Variants in ST3GAL4 observed in about 807,000 individuals in gnomAD.
ST3GAL4 encodes CMP-N-acetylneuraminate-beta-galactosamide-alpha-2,3-sialyltransferase 4.
A neutral mutation model predicts 42.6 loss-of-function variants in ST3GAL4; 24 were observed. The observed-to-expected ratio is 0.56, with a 90% confidence interval of 0.41 to 0.79. The LOEUF (loss-of-function observed/expected upper bound fraction) is 0.79. ST3GAL4 is among the 30% of genes least tolerant of loss of function. The probability of loss-of-function intolerance (pLI) is 0.00; values close to 1 mark genes in which losing one functional copy is unlikely to be tolerated. For synonymous variants in ST3GAL4, 135 were observed against 163.2 expected (o/e 0.83, Z 1.32); for missense variants, 311 against 430.8 (o/e 0.72, Z 2.46).
At chr11:126,407,176 G>C in intron 4 of ST3GAL4, 76 bp from the exon 5 acceptor site, 1 of 1,543,040 alleles carries the variant, frequency 6.5e-7, no homozygotes, top group Non-Finnish European at 9.0e-7. Context: ...TATAATATTA[G>C]TCATGGGCCT....
At chr11:126,388,913 G>A (rs1425054941) in intron 1 of ST3GAL4, among the ~76,000 whole-genome samples, 1 of 151,286 alleles carries the variant, frequency 6.6e-6, no homozygotes, top group Non-Finnish European at 1.5e-5. Flanking sequence ...GAGCAGCTGG[G>A]ATCACAGGCG....
chr11:126,361,462 C>T (rs943737479), intron 1 of ST3GAL4, among the ~76,000 whole-genome samples: 5 of 151,524 alleles, frequency 3.3e-5, no homozygotes, highest in Non-Finnish European at 4.4e-5. Flanking sequence ...CTCACCTCCT[C>T]GCCTTTGCTT....
Position 126,414,089 on chromosome 11 carries a change from T to G in ST3GAL4, c.*42T>G, listed in dbSNP as rs771433926. On this transcript the variant is annotated 3_prime_UTR_variant, in exon 11 of 11. Coordinates refer to ENST00000444328, the MANE Select transcript of ST3GAL4 (RefSeq NM_001254757.2). The stretch of plus-strand genomic sequence containing the variant: ...AGCCTGTCGGTTGCCTACTCTGCTG[T>G]CTGGGTGACCCCCATGCGTGGCTGT... 6.2e-7 allele frequency: 1 copy of G among 1,602,382 alleles called. No homozygotes were observed. The highest frequency in any genetic ancestry group is 1.7e-5 in the Admixed American group (1 of 60,002).
At chr11:126,381,319 G>A (rs1477847701) in intron 1 of ST3GAL4, among the ~76,000 whole-genome samples, 1 of 152,194 alleles carries the variant, frequency 6.6e-6, no homozygotes, top group East Asian at 1.9e-4. Context: ...TCCCAACCCT[G>A]CAGGATGGAG....
intron 1 of ST3GAL4, among the ~76,000 whole-genome samples, chr11:126,402,451 G>GAAAAA (rs575036017): frequency 2.0e-5 from 2 of 100,986 alleles, no homozygotes; most frequent in South Asian, 3.4e-4. Flanking sequence ...AAGACTGTCT[G>GAAAAA]AAAAAAAAAA....
rs1182184892 is a variant in ST3GAL4, at chr11:126,359,396, T to C, written c.-61+3554T>C. ...CATTTATAAATGAAGAAATGGAGGATTGAAGGATTAAGTTACTTGGCCAAG... is the reference window on the plus strand; with the variant it reads ...CATTTATAAATGAAGAAATGGAGGACTGAAGGATTAAGTTACTTGGCCAAG... On this transcript the variant is annotated intron_variant, in intron 1 of 10. Coordinates refer to ENST00000444328, the MANE Select transcript of ST3GAL4 (RefSeq NM_001254757.2). This position sits in a 1 kb window ranked among gnomAD's most constrained non-coding sequence, Gnocchi z 4.8. Among the ~76,000 whole-genome samples, 1 of 151,958 alleles carries C rather than the reference T, an allele frequency of 6.6e-6. No homozygotes were observed. Among genetic ancestry groups the C allele is most frequent in the Non-Finnish European group, 1.5e-5 (1 of 68,014 alleles).
chr11:126,388,767 CTTTTTTT>C (rs10683946), intron 1 of ST3GAL4, among the ~76,000 whole-genome samples: 9 of 52,056 alleles, frequency 1.7e-4, no homozygotes, highest in Non-Finnish European at 2.9e-4. Flanking sequence ...TTTTCAGTGT[CTTTTTTT>C]TTTTTTTTTT....
Position 126,363,774 on chromosome 11 carries a change from G to C in ST3GAL4, c.-61+7932G>C, listed in dbSNP as rs7952602. Among the ~76,000 whole-genome samples the C allele has an allele frequency of 0.17, 26,272 of 152,092 alleles. 2,448 individuals carry two copies. The highest frequency in any genetic ancestry group is 0.32 in the East Asian group (1,636 of 5,158). On this transcript the variant is annotated intron_variant, in intron 1 of 10. Coordinates refer to ENST00000444328, the MANE Select transcript of ST3GAL4 (RefSeq NM_001254757.2). This position sits in a 1 kb window ranked among gnomAD's most constrained non-coding sequence, Gnocchi z 4.6. ...CTCTTTCTCCCAGGGGAAGCTGCTC[G>C]AATGAGGGGAGTTGGCCAACACAGT...
intron 7 of ST3GAL4, 25 bp downstream of exon 7, chr11:126,408,219 T>C: frequency 2.5e-6 from 4 of 1,613,044 alleles, no homozygotes; most frequent in Non-Finnish European, 3.4e-6. Context: ...CTCTTCCTAC[T>C]GTTGTTTGGG....
intron 1 of ST3GAL4, among the ~76,000 whole-genome samples, chr11:126,372,739 C>T (rs1952703546): frequency 6.6e-6 from 1 of 152,118 alleles, no homozygotes; most frequent in African/African-American, 2.4e-5. Flanking sequence ...TACAGCAAAA[C>T]TCCATAATAT....
At chr11:126,408,072 CAT>C in intron 6 of ST3GAL4, 25 bp from the exon 7 acceptor site, 3 of 1,610,954 alleles carry the variant, frequency 1.9e-6, no homozygotes, top group Non-Finnish European at 2.5e-6. Flanking sequence ...TGTGGGGTGA[CAT>C]AGACCACTCC....
intron 1 of ST3GAL4, among the ~76,000 whole-genome samples, chr11:126,358,114 A>G (rs1343741215): frequency 2.0e-5 from 3 of 152,202 alleles, no homozygotes; most frequent in Non-Finnish European, 4.4e-5. Context: ...TCGGAGATGG[A>G]CCTTAGATGC....
chr11:126,404,637 G>A (rs1251930759), intron 1 of ST3GAL4, among the ~76,000 whole-genome samples: 2 of 152,222 alleles, frequency 1.3e-5, no homozygotes, highest in Non-Finnish European at 1.5e-5. Context: ...GAGTTACTAG[G>A]ACAATACCTT....
rs542719372 is a variant in ST3GAL4 at position 126,359,880 on chromosome 11, G to C, written c.-61+4038G>C. ...TTGGAAATGTGGCTGCCGCCCACAT[G>C]GCTGCAAGGCAACCACGGCCACACG... On this transcript the variant is annotated intron_variant, in intron 1 of 10. Coordinates refer to ENST00000444328, the MANE Select transcript of ST3GAL4 (RefSeq NM_001254757.2). This position sits in a 1 kb window ranked among gnomAD's most constrained non-coding sequence, Gnocchi z 4.8. 6.6e-6 allele frequency among the ~76,000 whole-genome samples: 1 copy of C among 152,240 alleles called. No individual in the cohort carries two copies. The highest frequency in any genetic ancestry group is 1.5e-5 in the Non-Finnish European group (1 of 68,042).
In ST3GAL4 at chr11:126,366,578, C is replaced by T. The variant is rs1422680476; in HGVS notation, c.-61+10736C>T. Among the ~76,000 whole-genome samples the T allele has an allele frequency of 1.3e-5, 2 of 152,164 alleles. No individual in the cohort carries two copies. Among genetic ancestry groups the T allele is most frequent in the Non-Finnish European group, 2.9e-5 (2 of 68,028 alleles). ...GGGGGCCCTGTTCCACTCTCCTTCCCGTGTGCAGGGCCCTCCCCTCTGGCG... is the reference window on the plus strand; with the variant it reads ...GGGGGCCCTGTTCCACTCTCCTTCCTGTGTGCAGGGCCCTCCCCTCTGGCG... On this transcript the variant is annotated intron_variant, in intron 1 of 10. Transcript: ENST00000444328. The surrounding 1 kb of genome is among the most constrained non-coding windows in gnomAD (Gnocchi z 4.2).
At position 126,392,468 on chromosome 11, in the gene ST3GAL4, G is replaced by C. The variant is rs969396630; in HGVS notation, c.-60-13628G>C. 1.4e-6 allele frequency: 1 copy of C among 733,446 alleles called. No homozygotes were observed. The highest frequency in any genetic ancestry group is 1.9e-5 in the African/African-American group (1 of 52,152). The allele number at this position is 733,446 out of a possible 1,614,324, so 45.4% of individuals were successfully genotyped here. A position where few individuals can be genotyped will look rare whatever the true frequency, so the allele number is the denominator to read the frequency against. ...CTCATCGACATGCATTTGGCAGAAA[G>C]TGCGCTGGCTCTGCCAGCTCCCAGT... On this transcript the variant is annotated intron_variant, in intron 1 of 10. Transcript: ENST00000444328. This position sits in a 1 kb window ranked among gnomAD's most constrained non-coding sequence, Gnocchi z 5.8.
At chr11:126,358,561 A>G (rs541332440) in intron 1 of ST3GAL4, 1 of 430,728 alleles carries the variant, frequency 2.3e-6, no homozygotes, top group African/African-American at 2.0e-5. Context: ...TGGTCAGTGT[A>G]GCTTCACGTG....
chr11:126,368,658 A>G (rs1591423286), intron 1 of ST3GAL4, among the ~76,000 whole-genome samples: 1 of 152,200 alleles, frequency 6.6e-6, no homozygotes, highest in Admixed American at 6.5e-5. Flanking sequence ...GGCTGGAGCC[A>G]GCTCTACAGA....
rs941905706 is a variant in ST3GAL4 at position 126,378,144 on chromosome 11, A to G, written c.-61+22302A>G. Among the ~76,000 whole-genome samples the G allele has an allele frequency of 1.3e-5, 2 of 152,158 alleles. No individual in the cohort carries two copies. Among genetic ancestry groups the G allele is most frequent in the Non-Finnish European group, 2.9e-5 (2 of 68,036 alleles). ...TCATTTTAGGTAGAAGATAGCCCAC[A>G]CCACAGATCCAGACTGGCTAGGTAG... On this transcript the variant is annotated intron_variant, in intron 1 of 10. Transcript: ENST00000444328. This position sits in a 1 kb window ranked among gnomAD's most constrained non-coding sequence, Gnocchi z 5.3.
Sources: allele counts gnomAD v4.1 joint callset (sites outside exome capture counted in the v4.1 genomes callset), GRCh38; gene constraint gnomAD v4.1.1; non-coding constraint Gnocchi (gnomAD v3.1); transcripts MANE v1.5; gene names NCBI Gene and HGNC (gene_info 2026-07-23, HGNC 2026-07-21).